Variants in CFTR observed in about 807,000 individuals in gnomAD.
CFTR encodes CF transmembrane conductance regulator, also known as cystic fibrosis transmembrane conductance regulator.
CFTR carries 181 observed loss-of-function variants against 171.6 expected under a neutral mutation model. The observed-to-expected ratio is 1.05, with a 90% CI of 0.93 to 1.19. The LOEUF (loss-of-function observed/expected upper bound fraction) is 1.19, where lower values mean the gene tolerates loss of function less well. Ranked by LOEUF, CFTR falls within the 50% of genes most tolerant of loss-of-function variation. The probability of loss-of-function intolerance (pLI) is 0.00; values close to 1 mark genes in which losing one functional copy is unlikely to be tolerated. For synonymous variants in CFTR, 583 were observed against 608.0 expected (o/e 0.96, Z 0.60); for missense variants, 1,968 against 1,734.7 (o/e 1.13, Z -2.39).
intron 18 of CFTR, among the ~76,000 whole-genome samples, chr7:117,609,004 C>A (rs1052059308): frequency 6.6e-6 from 1 of 152,128 alleles, no homozygotes; most frequent in Admixed American, 6.5e-5. Context: ...TGTTGCACAG[C>A]AGATCTCTGG....
intron 3 of CFTR, among the ~76,000 whole-genome samples, chr7:117,530,225 C>T (rs1314483202): frequency 1.3e-5 from 2 of 152,136 alleles, no homozygotes; most frequent in African/African-American, 4.8e-5. Flanking sequence ...AACTCCTTCC[C>T]CAAAGTCCAT....
At position 117,510,142 on chromosome 7, in the gene CFTR, A is replaced by T. The variant is rs1022221147; in HGVS notation, c.273+1000A>T. On this transcript the variant is annotated intron_variant, in intron 3 of 26. Coordinates refer to ENST00000003084, the MANE Select transcript of CFTR (RefSeq NM_000492.4). ...ATTTTTCTGACTTTTGAAATAATAG[A>T]TCCATAATATATATTCTTATGGAAA... Among the ~76,000 whole-genome samples, 20 of 152,230 alleles carry T rather than the reference A, an allele frequency of 1.3e-4. 1 individual carries two copies. Among genetic ancestry groups the T allele is most frequent in the Admixed American group, 9.8e-4 (15 of 15,278 alleles).
At chr7:117,498,339 T>C (rs188078361) in intron 1 of CFTR, among the ~76,000 whole-genome samples, 2 of 152,258 alleles carry the variant, frequency 1.3e-5, no homozygotes, top group Admixed American at 1.3e-4. Flanking sequence ...CTAAAGTTGA[T>C]TAAGCTGACC....
chr7:117,642,917 C>T (rs1252931193), intron 23 of CFTR, among the ~76,000 whole-genome samples: 1 of 152,076 alleles, frequency 6.6e-6, no homozygotes, highest in Admixed American at 6.6e-5. Context: ...TAGCAATCGC[C>T]AGGTTGAGAA....
intron 24 of CFTR, among the ~76,000 whole-genome samples, chr7:117,661,203 G>A (rs1195224238): frequency 2.6e-5 from 4 of 152,018 alleles, no homozygotes; most frequent in East Asian, 1.9e-4. Flanking sequence ...TAACTATGTT[G>A]ACTTTTCTCT....
At chr7:117,594,359 G>A (rs1792087095) in intron 14 of CFTR, among the ~76,000 whole-genome samples, 1 of 152,114 alleles carries the variant, frequency 6.6e-6, no homozygotes, top group Admixed American at 6.6e-5. Context: ...TTTTTGAAAT[G>A]TATTTCTATG....
At chr7:117,503,257 C>T (rs2116633797) in intron 1 of CFTR, among the ~76,000 whole-genome samples, 1 of 152,248 alleles carries the variant, frequency 6.6e-6, no homozygotes, top group Non-Finnish European at 1.5e-5. Flanking sequence ...GTCTGAATGA[C>T]ACAAATTTTA....
chr7:117,642,514 G>A lies in CFTR; in HGVS notation c.3794G>A (p.Gly1265Glu), dbSNP rs1554395370. The A allele has an allele frequency of 6.2e-7, 1 of 1,613,658 alleles. No individual in the cohort carries two copies. The highest frequency in any genetic ancestry group is 8.5e-7 in the Non-Finnish European group (1 of 1,179,752). Reference sequence around the variant, plus strand: ...TTTTTGAGACTACTGAACACTGAAGGAGAAATCCAGATCGATGGTGTGTCT... The same window carrying A: ...TTTTTGAGACTACTGAACACTGAAGAAGAAATCCAGATCGATGGTGTGTCT... The part of the protein sequence containing the change: ...SAFLRLLNTE[G>E]EIQIDGVSWD... The change falls in exon 23 of 27, where the codon GGA (glycine) becomes GAA (glutamate). Residue 1265 changes from glycine (G) to glutamate (E), a missense_variant. Gly to Glu is a moderately conservative substitution (Grantham distance 98, BLOSUM62 -2). Transcript: ENST00000003084.
chr7:117,505,927 G>A (rs1798408531), intron 2 of CFTR, among the ~76,000 whole-genome samples: 1 of 152,094 alleles, frequency 6.6e-6, no homozygotes, highest in Non-Finnish European at 1.5e-5. Flanking sequence ...CTAAGATCAA[G>A]GGCCAGCTTC....
At chr7:117,566,349 A>T (rs916858649) in intron 11 of CFTR, among the ~76,000 whole-genome samples, 2 of 151,916 alleles carry the variant, frequency 1.3e-5, no homozygotes, top group African/African-American at 4.8e-5. Flanking sequence ...GCATGAGAAT[A>T]GCTTGAACCC....
At chr7:117,607,767 T>A (rs1792323780) in intron 18 of CFTR, among the ~76,000 whole-genome samples, 1 of 152,218 alleles carries the variant, frequency 6.6e-6, no homozygotes. Flanking sequence ...TCAGTTTGCC[T>A]CATCTGAAAT....
chr7:117,564,314 A>G (rs1048767202), intron 11 of CFTR, among the ~76,000 whole-genome samples: 1 of 152,230 alleles, frequency 6.6e-6, no homozygotes, highest in Non-Finnish European at 1.5e-5. Flanking sequence ...GGTTATCTTG[A>G]CAGTCAAAAT....
chr7:117,589,754 G>A (rs1353784697), intron 12 of CFTR, among the ~76,000 whole-genome samples: 1 of 151,954 alleles, frequency 6.6e-6, no homozygotes, highest in East Asian at 1.9e-4. Context: ...TACAGTTGTG[G>A]CAGCACTGCT....
intron 13 of CFTR, 59 bp from the exon 14 acceptor site, chr7:117,591,875 A>G: frequency 9.3e-7 from 1 of 1,070,144 alleles, no homozygotes; most frequent in Non-Finnish European, 1.4e-6. Flanking sequence ...CTAAAATACG[A>G]GACATATTGC....
intron 1 of CFTR, among the ~76,000 whole-genome samples, chr7:117,501,664 T>A (rs1798328301): frequency 6.8e-6 from 1 of 146,906 alleles, no homozygotes; most frequent in African/African-American, 2.5e-5. Flanking sequence ...GGAGAATTGC[T>A]TGAACCCAGG....
chr7:117,595,719 C>T (rs977681067), intron 15 of CFTR, among the ~76,000 whole-genome samples: 2 of 151,588 alleles, frequency 1.3e-5, no homozygotes, highest in Non-Finnish European at 2.9e-5. Flanking sequence ...ACCGTATCTA[C>T]AAAATAATTA....
At chr7:117,623,133 C>T (rs1371364486) in intron 21 of CFTR, among the ~76,000 whole-genome samples, 1 of 152,180 alleles carries the variant, frequency 6.6e-6, no homozygotes, top group African/African-American at 2.4e-5. Context: ...TTGGGCTAAA[C>T]TCTAATATAC....
At chr7:117,554,479 T>C (rs1799318812) in intron 10 of CFTR, among the ~76,000 whole-genome samples, 1 of 152,080 alleles carries the variant, frequency 6.6e-6, no homozygotes, top group Non-Finnish European at 1.5e-5. Flanking sequence ...AATATTAAGT[T>C]TGAAATGCCT....
intron 1 of CFTR, among the ~76,000 whole-genome samples, chr7:117,499,172 T>C (rs564168753): frequency 6.6e-5 from 10 of 152,110 alleles, no homozygotes; most frequent in Non-Finnish European, 1.5e-4. Flanking sequence ...CTTGAAAAGA[T>C]CTGATATCCA....
Sources: allele counts gnomAD v4.1 joint callset (sites outside exome capture counted in the v4.1 genomes callset), GRCh38; gene constraint gnomAD v4.1.1; transcripts MANE v1.5; gene names NCBI Gene and HGNC (gene_info 2026-07-23, HGNC 2026-07-21).